DGKZ: variants seen among roughly 807,000 people sequenced by gnomAD.
DGKZ encodes the protein DAG kinase zeta.
Under a neutral mutation model 142.5 loss-of-function variants are expected in DGKZ, and 45 were observed. The ratio of observed to expected loss-of-function variants is 0.32; its 90% confidence interval spans 0.25 to 0.40. The LOEUF is 0.40. Ranked by LOEUF, DGKZ falls within the 10% of genes least tolerant of loss-of-function variation. The probability of loss-of-function intolerance (pLI) is 1.00; values close to 1 mark genes in which losing one functional copy is unlikely to be tolerated. For synonymous variants in DGKZ, 442 were observed against 527.0 expected (o/e 0.84, Z 2.21); for missense variants, 755 against 1,306.5 (o/e 0.58, Z 6.51).
Position 46,378,362 on chromosome 11 carries a change from GGCACACA to G in DGKZ, c.2375-94_2375-88del. The G allele has an allele frequency of 1.2e-5, 19 of 1,544,222 alleles. No homozygotes were observed. In the Middle Eastern group the frequency reaches 6.6e-4, roughly 54 times the overall value. ...AGCTTCACGCACCAACGGAGCCCTG[GGCACACA>G]TGCCTGGCCGGCACAGTCCTGTCCA... On this transcript the variant is annotated intron_variant, in intron 26 of 30. Coordinates refer to ENST00000527911, the Ensembl canonical transcript of DGKZ.
At chr11:46,354,390 C>T (rs1941761573) in intron 1 of DGKZ, among the ~76,000 whole-genome samples, 1 of 152,238 alleles carries the variant, frequency 6.6e-6, no homozygotes, top group Non-Finnish European at 1.5e-5. Flanking sequence ...GAGACGAGGT[C>T]CTGCTATGTT....
chr11:46,376,290 C>G, intron 22 of DGKZ, 38 bp from the exon 23 acceptor site: 4 of 1,613,154 alleles, frequency 2.5e-6, no homozygotes, highest in Non-Finnish European at 2.5e-6. Context: ...TCCCTGGCCC[C>G]CACTCTATCC....
chr11:46,350,299 A>C (rs1041404586), intron 1 of DGKZ, among the ~76,000 whole-genome samples: 1 of 152,110 alleles, frequency 6.6e-6, no homozygotes, highest in African/African-American at 2.4e-5. Flanking sequence ...GAAGGGTGGA[A>C]TAGTACACCT....
At chr11:46,356,220 T>C (rs12577142) in intron 1 of DGKZ, among the ~76,000 whole-genome samples, 33,107 of 152,032 alleles carry the variant, frequency 0.22, 4,344 homozygotes, top group African/African-American at 0.36. Flanking sequence ...GGAGATATAT[T>C]GGCATTCCCA....
At chr11:46,361,943 C>CT (rs1422112304) in intron 1 of DGKZ, 1 of 152,488 alleles carries the variant, frequency 6.6e-6, no homozygotes, top group Non-Finnish European at 1.5e-5. Flanking sequence ...ACCATCCAGC[C>CT]TGGCCCACCT....
At chr11:46,342,913 C>G (rs1940344505), upstream of DGKZ, among the ~76,000 whole-genome samples, 1 of 152,148 alleles carries the variant, frequency 6.6e-6, no homozygotes, top group Non-Finnish European at 1.5e-5. Context: ...CACTTGAGGT[C>G]AGGAATTCAA....
intron 1 of DGKZ, among the ~76,000 whole-genome samples, chr11:46,341,226 A>G (rs1302261684): frequency 6.6e-6 from 1 of 152,198 alleles, no homozygotes; most frequent in Non-Finnish European, 1.5e-5. Context: ...CAGCCTTCTG[A>G]ACACCTGTAT....
chr11:46,369,434 C>A, intron 4 of DGKZ, 60 bp from the exon 5 acceptor site: 3 of 1,602,900 alleles, frequency 1.9e-6, no homozygotes, highest in South Asian at 2.2e-5. Flanking sequence ...AGGGAGTGAC[C>A]ACATACCTGA....
At chr11:46,342,358 C>T (rs1449928929) in intron 1 of DGKZ, among the ~76,000 whole-genome samples, 1 of 152,258 alleles carries the variant, frequency 6.6e-6, no homozygotes, top group East Asian at 1.9e-4. Context: ...CAGGACTGCC[C>T]TGCTTCTTGA....
At chr11:46,347,265 C>A (rs1940729502), upstream of DGKZ, 1 of 973,124 alleles carries the variant, frequency 1.0e-6, no homozygotes, top group African/African-American at 1.8e-5. This position sits in a 1 kb window ranked among gnomAD's most constrained non-coding sequence, Gnocchi z 6.4. Flanking sequence ...CGGGCCGGGC[C>A]GGGCTGGGGG....
At chr11:46,350,020 G>C (rs1278963549) in intron 1 of DGKZ, among the ~76,000 whole-genome samples, 1 of 152,208 alleles carries the variant, frequency 6.6e-6, no homozygotes, top group Non-Finnish European at 1.5e-5. Flanking sequence ...ACGCTGGGGA[G>C]TGTAAGTGCT....
chr11:46,356,108 GC>G, intron 1 of DGKZ, among the ~76,000 whole-genome samples: 1 of 152,208 alleles, frequency 6.6e-6, no homozygotes. Context: ...GGGAATGGGA[GC>G]CCTCTGCAGA....
chr11:46,369,663 A>G, intron 5 of DGKZ, 113 bp downstream of exon 5: 2 of 1,398,632 alleles, frequency 1.4e-6, no homozygotes, highest in Non-Finnish European at 2.0e-6. Flanking sequence ...GCTGCTGCTC[A>G]CTGAGGTCTG....
In DGKZ at chr11:46,373,184, C is replaced by T. The variant is rs1446178569; in HGVS notation, c.1326+83C>T. On this transcript the variant is annotated intron_variant, in intron 14 of 30. Transcript: ENST00000527911. ...TTTCCACTTGCTGGTTCTGGGACCTCGGGCGTGTCTCTTCATTTCTCCAAC... is the reference window on the plus strand; with the variant it reads ...TTTCCACTTGCTGGTTCTGGGACCTTGGGCGTGTCTCTTCATTTCTCCAAC... 8 of 1,434,322 alleles carry T rather than the reference C, an allele frequency of 5.6e-6. No individual in the cohort carries two copies. In the African/African-American group the frequency reaches 5.8e-5, roughly 10 times the overall value. 88.8% of individuals were successfully genotyped at this position (1,434,322 alleles called of 1,614,324 possible). A position where few individuals can be genotyped will look rare whatever the true frequency, so the allele number is the denominator to read the frequency against.
At chr11:46,355,811 G>T (rs1182265780) in intron 1 of DGKZ, among the ~76,000 whole-genome samples, 2 of 152,066 alleles carry the variant, frequency 1.3e-5, no homozygotes, top group Non-Finnish European at 2.9e-5. Context: ...CAATGGCGCG[G>T]TCTCGGCTCA....
In DGKZ at chr11:46,356,842, A is replaced by G. The variant is rs1942081040; in HGVS notation, c.161+9022A>G. Among the ~76,000 whole-genome samples, 2 of 152,186 alleles carry G rather than the reference A, an allele frequency of 1.3e-5. 1 individual carries two copies. Among genetic ancestry groups the G allele is most frequent in the South Asian group, 4.1e-4 (2 of 4,824 alleles). ...ACGGGCCATGGGGATAAGAATACCAACTATTCTTAGGAGGATTCGTAGCTT... is the reference window on the plus strand; with the variant it reads ...ACGGGCCATGGGGATAAGAATACCAGCTATTCTTAGGAGGATTCGTAGCTT... On this transcript the variant is annotated intron_variant, in intron 1 of 30. Coordinates refer to ENST00000527911, the Ensembl canonical transcript of DGKZ.
intron 1 of DGKZ, among the ~76,000 whole-genome samples, chr11:46,336,190 G>A (rs1440862097): frequency 1.3e-5 from 2 of 152,180 alleles, no homozygotes; most frequent in African/African-American, 2.4e-5. Flanking sequence ...GCTTAGAGGG[G>A]TGTGGGGCTT....
chr11:46,369,946 CT>C lies in DGKZ; in HGVS notation c.510del (p.Phe170LeufsTer87). ...TTTTTCCCCTTCTCCCCCAGCCAAC[CT>C]TTGTACGGCACCACTGGGTACACAG... On this transcript the variant is annotated frameshift_variant, in exon 6 of 31. Coordinates refer to ENST00000527911, the Ensembl canonical transcript of DGKZ. LOFTEE classifies it high-confidence loss of function. 6.2e-7 allele frequency: 1 copy of C among 1,613,970 alleles called. No homozygotes were observed. Among genetic ancestry groups the C allele is most frequent in the Non-Finnish European group, 8.5e-7 (1 of 1,180,040 alleles).
At chr11:46,376,913 A>C in intron 24 of DGKZ, 160 bp from the exon 25 acceptor site, 1 of 679,600 alleles carries the variant, frequency 1.5e-6, no homozygotes, top group Non-Finnish European at 2.5e-6. Flanking sequence ...GGTGTCAGGA[A>C]TGGGAAGGAG....
Sources: allele counts gnomAD v4.1 joint callset (sites outside exome capture counted in the v4.1 genomes callset), GRCh38; gene constraint gnomAD v4.1.1; non-coding constraint Gnocchi (gnomAD v3.1); transcripts MANE v1.5; gene names NCBI Gene and HGNC (gene_info 2026-07-23, HGNC 2026-07-21).